TENM4: variants seen among roughly 807,000 people sequenced by gnomAD.
The protein encoded by TENM4 is teneurin-4.
TENM4 carries 82 observed loss-of-function variants against 243.3 expected under a neutral mutation model. The observed-to-expected ratio is 0.34, with a 90% CI of 0.28 to 0.40. The LOEUF (loss-of-function observed/expected upper bound fraction) is 0.40, where lower values mean the gene tolerates loss of function less well. Ranked by LOEUF, TENM4 falls within the 10% of genes least tolerant of loss-of-function variation. The pLI is 1.00. For synonymous variants in TENM4, 1,412 were observed against 1,456.3 expected (o/e 0.97, Z 0.69); for missense variants, 3,138 against 3,673.3 (o/e 0.85, Z 3.77).
At chr11:78,889,209 C>G (rs990205431) in intron 9 of TENM4, among the ~76,000 whole-genome samples, 4 of 152,208 alleles carry the variant, frequency 2.6e-5, no homozygotes, top group Non-Finnish European at 5.9e-5. Flanking sequence ...CTGGGACCTT[C>G]TGCTTCTCAG....
Position 78,805,287 on chromosome 11 carries a change from T to A in TENM4, c.2179+5A>T. The A allele has an allele frequency of 2.3e-6, 1 of 427,824 alleles. No homozygotes were observed. Among genetic ancestry groups the A allele is most frequent in the East Asian group, 1.6e-4 (1 of 6,396 alleles). The allele number at this position is 427,824 out of a possible 1,614,324, so 26.5% of individuals were successfully genotyped here. ...TACCCATGCTTCTTCTCCCCCTGCA[T>A]TTACCGATAGAACAGTCGTGTCCAG... is the stretch of plus-strand genomic sequence containing the variant. On this transcript the variant is annotated splice_donor_5th_base_variant and intron_variant, in intron 15 of 33. Transcript: ENST00000278550.
chr11:78,658,253 G>T lies in TENM4; in HGVS notation c.8115C>A (p.Arg2705=), dbSNP rs117724179. ...CCCCTTCCCGCAGTCTCTGCTGCTCGCGGGCCCACGCTTGGCGCACGGCTC... is the reference window on the plus strand; with the variant it reads ...CCCCTTCCCGCAGTCTCTGCTGCTCTCGGGCCCACGCTTGGCGCACGGCTC... ...RQRAVRQAWA[R]EQQRLREGEE... is the part of the protein sequence containing the mutation. Residue 2705 remains arginine (R), a synonymous_variant, in exon 34 of 34, where the codon CGC becomes CGA. Coordinates refer to ENST00000278550, the MANE Select transcript of TENM4 (RefSeq NM_001098816.3). 3.1e-6 allele frequency: 5 copies of T among 1,613,630 alleles called. No individual in the cohort carries two copies. Among genetic ancestry groups the T allele is most frequent in the Non-Finnish European group, 4.2e-6 (5 of 1,179,684 alleles).
At chr11:79,278,413 T>C (rs966394308) in intron 2 of TENM4, among the ~76,000 whole-genome samples, 7 of 152,164 alleles carry the variant, frequency 4.6e-5, no homozygotes, top group South Asian at 4.1e-4. Flanking sequence ...CCTGGAGAAA[T>C]GCAGCCTTTG....
intron 4 of TENM4, among the ~76,000 whole-genome samples, chr11:79,078,625 G>A (rs1860588776): frequency 1.3e-5 from 2 of 152,306 alleles, no homozygotes; most frequent in South Asian, 4.1e-4. Context: ...TGCTTCTGAG[G>A]TCTGTACTCT....
At chr11:79,037,751 A>C (rs1859423775) in intron 6 of TENM4, among the ~76,000 whole-genome samples, 1 of 152,190 alleles carries the variant, frequency 6.6e-6, no homozygotes. Flanking sequence ...TTATTTGCAC[A>C]GTTTTCATTC....
intron 14 of TENM4, among the ~76,000 whole-genome samples, chr11:78,810,011 G>C (rs1287489039): frequency 6.6e-6 from 1 of 152,006 alleles, no homozygotes; most frequent in Non-Finnish European, 1.5e-5. Flanking sequence ...TACTGGCTGC[G>C]TTCAAGCTTT....
intron 2 of TENM4, among the ~76,000 whole-genome samples, chr11:79,279,816 T>G (rs374006177): frequency 6.6e-6 from 1 of 152,218 alleles, no homozygotes; most frequent in African/African-American, 2.4e-5. Context: ...GGTTTGAATG[T>G]GTCCTCTCCA....
In TENM4 at chr11:78,658,201, C is replaced by G. The variant is rs751296058; in HGVS notation, c.8167G>C (p.Gly2723Arg). The G allele has an allele frequency of 1.5e-5, 24 of 1,613,944 alleles. No individual in the cohort carries two copies. The highest frequency in any genetic ancestry group is 3.3e-5 in the Admixed American group (2 of 60,014). Residue 2723 changes from glycine (G) to arginine (R), a missense_variant, in exon 34 of 34, where the codon GGG (glycine) becomes CGG (arginine). This residue lies in a region of TENM4 where 2,467 missense variants were observed against 3,059.1 expected (regional missense o/e 0.81). Coordinates refer to ENST00000278550, the MANE Select transcript of TENM4 (RefSeq NM_001098816.3). ...GEEGLRAWTEGEKQQVLSTGR... is the reference protein window; with the variant it reads ...GEEGLRAWTEREKQQVLSTGR... ...GTGCTCAGCACCTGCTGCTTCTCCC[C>G]CTCTGTCCAGGCCCGCAGGCCTTCC...
chr11:78,705,627 G>A (rs1015529706), intron 27 of TENM4, among the ~76,000 whole-genome samples: 5 of 152,224 alleles, frequency 3.3e-5, no homozygotes, highest in African/African-American at 9.7e-5. Context: ...GGAACATTCT[G>A]TGCCTTTATT....
intron 6 of TENM4, among the ~76,000 whole-genome samples, chr11:79,032,012 C>T (rs1859253569): frequency 6.6e-6 from 1 of 152,294 alleles, no homozygotes; most frequent in Non-Finnish European, 1.5e-5. Context: ...TTTCTGTAGC[C>T]TATGGGAGTA....
chr11:79,289,839 T>C (rs1226697477), intron 2 of TENM4, among the ~76,000 whole-genome samples: 1 of 152,360 alleles, frequency 6.6e-6, no homozygotes, highest in Non-Finnish European at 1.5e-5. Context: ...GGGAATAATT[T>C]GTAATCCATT....
Position 79,185,353 on chromosome 11 carries a change from G to A in TENM4, c.-163+30455C>T, listed in dbSNP as rs185950999. Among the ~76,000 whole-genome samples the A allele has an allele frequency of 3.5e-3, 527 of 152,094 alleles. 7 individuals are homozygous for A. In the South Asian group the frequency reaches 0.039, roughly 11 times the overall value. ...ACAAAAACCCCCAAAACAAAAAACA[G>A]CAACAACAAAAACCCACAAATGTTT... On this transcript the variant is annotated intron_variant, in intron 3 of 33. Coordinates refer to ENST00000278550, the MANE Select transcript of TENM4 (RefSeq NM_001098816.3).
At chr11:79,373,237 G>C (rs1857820916) in intron 1 of TENM4, among the ~76,000 whole-genome samples, 2 of 152,118 alleles carry the variant, frequency 1.3e-5, no homozygotes. Context: ...TGGCTGGCTG[G>C]CTGACTGGAT....
chr11:78,752,957 T>C (rs1247080743), intron 19 of TENM4, among the ~76,000 whole-genome samples: 1 of 152,224 alleles, frequency 6.6e-6, no homozygotes, highest in Non-Finnish European at 1.5e-5. Context: ...TGGCAGGTAC[T>C]AGGTTGAGAC....
Position 78,702,332 on chromosome 11 carries a change from A to G in TENM4, c.4281T>C (p.Asn1427=), listed in dbSNP as rs199876990. 46 of 1,614,032 alleles carry G rather than the reference A, an allele frequency of 2.9e-5. No homozygotes were observed. The African/African-American group carries it at 5.3e-4, about 19-fold the overall frequency. The part of the protein sequence containing the change: ...MDNSLYVLDN[N]VVLQISENHQ... ...GGTTTTCAGAGATTTGCAGGACCAC[A>G]TTGTTGTCGAGGACATAAAGTGAGT... Residue 1427 remains asparagine (N), a synonymous_variant, in exon 28 of 34, where the codon AAT becomes AAC. Transcript: ENST00000278550.
rs151147505 is a variant in TENM4, at chr11:79,102,577, T to G, written c.-65-32568A>C. 3.2e-3 allele frequency among the ~76,000 whole-genome samples: 482 copies of G among 152,344 alleles called. 7 individuals are homozygous for G. Among genetic ancestry groups the G allele is most frequent in the African/African-American group, 0.011 (466 of 41,572 alleles). ...GACATCTGTGAGATGTTATGAGGGT[T>G]CAAGGAACAGCACATGTGAAGCCCT... On this transcript the variant is annotated intron_variant, in intron 4 of 33. Transcript: ENST00000278550.
chr11:78,725,787 C>T (rs1458300710), intron 23 of TENM4, among the ~76,000 whole-genome samples: 7 of 152,228 alleles, frequency 4.6e-5, no homozygotes, highest in Non-Finnish European at 1.0e-4. Flanking sequence ...TCATAGTGCC[C>T]TGTGCCTCCC....
At chr11:78,748,589 T>C (rs1477779686) in intron 19 of TENM4, among the ~76,000 whole-genome samples, 5 of 152,204 alleles carry the variant, frequency 3.3e-5, no homozygotes, top group Non-Finnish European at 5.9e-5. Flanking sequence ...ACAGGCTCAG[T>C]ACATGGGCTC....
At chr11:78,870,776 C>T (rs1859102050) in intron 9 of TENM4, among the ~76,000 whole-genome samples, 2 of 152,250 alleles carry the variant, frequency 1.3e-5, no homozygotes, top group Admixed American at 1.3e-4. Flanking sequence ...GCCACAGAGG[C>T]AGGGAACAGG....
Sources: gnomAD v4.1 joint callset for allele counts (sites outside exome capture counted in the v4.1 genomes callset) on GRCh38, gnomAD v4.1.1 for gene constraint, gnomAD v4.1.1 regional missense constraint, MANE v1.5 for transcripts, NCBI Gene and HGNC (gene_info 2026-07-23, HGNC 2026-07-21) for gene names.